The following ARID2 variants were observed in gnomAD, a reference collection of about 807,000 sequenced individuals.
The protein encoded by ARID2 is AT-rich interactive domain-containing protein 2.
In ARID2, 32 loss-of-function variants were observed where a neutral mutation model predicts 184.6. The ratio of observed to expected loss-of-function variants is 0.17; its 90% CI spans 0.13 to 0.23. ARID2 has a LOEUF of 0.23. Ranked by LOEUF, ARID2 falls within the 10% of genes least tolerant of loss-of-function variation. The pLI is 1.00. For missense variants in ARID2, 1,696 were observed against 2,197.6 expected (o/e 0.77, Z 4.56); for synonymous variants, 836 against 772.6 (o/e 1.08, Z -1.36).
intron 16 of ARID2, among the ~76,000 whole-genome samples, chr12:45,878,994 T>C (rs573565002): frequency 6.6e-6 from 1 of 152,324 alleles, no homozygotes; most frequent in Admixed American, 6.5e-5. Context: ...TTGTTGGATT[T>C]TTTTTAGAAA....
At chr12:45,844,701 A>T (rs1943411323) in intron 11 of ARID2, among the ~76,000 whole-genome samples, 1 of 152,338 alleles carries the variant, frequency 6.6e-6, no homozygotes, top group South Asian at 2.1e-4. Flanking sequence ...AGTGACTTGC[A>T]CATAATCTAA....
chr12:45,852,322 A>G lies in ARID2; in HGVS notation c.4199A>G (p.Asp1400Gly), dbSNP rs545415503. 1.2e-6 allele frequency: 2 copies of G among 1,614,194 alleles called. No individual in the cohort carries two copies. The highest frequency in any genetic ancestry group is 1.7e-6 in the Non-Finnish European group (2 of 1,180,016). The change falls in exon 15 of 21, where the codon GAT (aspartate) becomes GGT (glycine). Residue 1400 changes from aspartate to glycine, a missense_variant. Around this residue, in one of 11 missense-constraint regions of ARID2, gnomAD observed 428 missense variants for 409.1 expected, o/e 1.05. Transcript: ENST00000334344. ...CCAATGGAACCACAAGGGACTTTAG[A>G]TATCACTCAGCAAGATACTGCCAAA... ...ISPMEPQGTL[D>G]ITQQDTAKGD...
chr12:45,812,375 C>CT (rs1441930877), intron 4 of ARID2, among the ~76,000 whole-genome samples: 1 of 151,828 alleles, frequency 6.6e-6, no homozygotes, highest in Non-Finnish European at 1.5e-5. Context: ...GTATCATCAA[C>CT]TTTTTTTTCG....
intron 3 of ARID2, among the ~76,000 whole-genome samples, chr12:45,737,937 T>C (rs1367257498): frequency 6.6e-6 from 1 of 152,188 alleles, no homozygotes; most frequent in Non-Finnish European, 1.5e-5. Context: ...GGCTCCACTT[T>C]AGTTAAGGGA....
intron 16 of ARID2, chr12:45,881,748 A>T: frequency 5.4e-6 from 1 of 185,016 alleles, no homozygotes; most frequent in Non-Finnish European, 1.2e-5. Flanking sequence ...TCACTGAGCA[A>T]ATGTAGGCAA....
chr12:45,845,460 A>T (rs1387783485), intron 11 of ARID2, among the ~76,000 whole-genome samples: 1 of 152,156 alleles, frequency 6.6e-6, no homozygotes, highest in Non-Finnish European at 1.5e-5. Flanking sequence ...CTTTTAAAAG[A>T]AGTCCTTCCA....
chr12:45,820,239 C>T (rs774764611), intron 5 of ARID2, among the ~76,000 whole-genome samples: 11 of 152,232 alleles, frequency 7.2e-5, no homozygotes, highest in African/African-American at 1.9e-4. Context: ...TATTTCCTCA[C>T]GACCCTAAGG....
chr12:45,860,911 T>C lies in ARID2; in HGVS notation c.4884T>C (p.Pro1628=). The C allele has an allele frequency of 6.3e-7, 1 of 1,599,450 alleles. No homozygotes were observed. Residue 1628 remains proline (P), a synonymous_variant, in exon 16 of 21, where the codon CCT becomes CCC. Coordinates refer to ENST00000334344, the MANE Select transcript of ARID2 (RefSeq NM_152641.4). ...AGCCTGGAGATCCAATGAGAAAACCTGGACAGAACTTCATGTGTCTGTGGC... is the reference window on the plus strand; with the variant it reads ...AGCCTGGAGATCCAATGAGAAAACCCGGACAGAACTTCATGTGTCTGTGGC... ...SSQPGDPMRK[P]GQNFMCLWQS...
rs753467872 is a variant in ARID2, at chr12:45,834,225, T to A, written c.706-2364T>A. On this transcript the variant is annotated intron_variant, in intron 6 of 20. Transcript: ENST00000334344. ...TACTCCATATGGCCTAAATAAATAG[T>A]CACTTGAAAGTATTTTTCTAAATTT... 2.0e-5 allele frequency among the ~76,000 whole-genome samples: 3 copies of A among 152,302 alleles called. No homozygotes were observed. The South Asian group carries it at 6.2e-4, about 32-fold the overall frequency.
chr12:45,845,599 T>C (rs1943426136), intron 11 of ARID2, among the ~76,000 whole-genome samples: 1 of 152,158 alleles, frequency 6.6e-6, no homozygotes, highest in African/African-American at 2.4e-5. Context: ...AATGTAAATA[T>C]AAATGGATTT....
chr12:45,858,152 T>G (rs979576107), intron 15 of ARID2, among the ~76,000 whole-genome samples: 15 of 152,168 alleles, frequency 9.9e-5, no homozygotes, highest in Admixed American at 7.9e-4. Flanking sequence ...CACCTCTTCT[T>G]TAGAATACTC....
intron 2 of ARID2, among the ~76,000 whole-genome samples, chr12:45,730,825 C>G (rs1017830056): frequency 5.9e-5 from 9 of 151,618 alleles, no homozygotes; most frequent in Non-Finnish European, 1.3e-4. Flanking sequence ...CCGGCCCCCC[C>G]CCCAACCCGC....
intron 3 of ARID2, among the ~76,000 whole-genome samples, chr12:45,805,338 C>G (rs1217646094): frequency 6.6e-6 from 1 of 152,006 alleles, no homozygotes; most frequent in Non-Finnish European, 1.5e-5. Context: ...ACCTTTTGTT[C>G]AGTCTTCCTA....
In ARID2 at chr12:45,899,621, GTATATATTTGGTTATATATA is replaced by G. The variant is rs1174018389; in HGVS notation, c.5364-5285_5364-5266del. On this transcript the variant is annotated intron_variant, in intron 20 of 20. Transcript: ENST00000334344. ...ATTCCATCTCAAAATATATATATAT[GTATATATTTGGTTATATATA>G]TATATATTTGGTTATATATATATAT... Among the ~76,000 whole-genome samples the G allele has an allele frequency of 1.8e-4, 22 of 124,996 alleles. 1 individual carries two copies. The highest frequency in any genetic ancestry group is 6.8e-4 in the East Asian group (3 of 4,442). The allele number at this position is 124,996 out of a possible 152,430, so 82.0% of individuals were successfully genotyped here. A position where few individuals can be genotyped will look rare whatever the true frequency, so the allele number is the denominator to read the frequency against.
At chr12:45,731,405 C>A in intron 3 of ARID2, 91 bp downstream of exon 3, 1 of 830,502 alleles carries the variant, frequency 1.2e-6, no homozygotes, top group Non-Finnish European at 2.0e-6. Flanking sequence ...ACCTTGCACA[C>A]CAAACAGTTC....
intron 15 of ARID2, among the ~76,000 whole-genome samples, chr12:45,853,267 G>A (rs952970915): frequency 1.3e-5 from 2 of 152,090 alleles, no homozygotes; most frequent in Admixed American, 6.6e-5. Context: ...GGGGATTTCT[G>A]TATTTGATTT....
At chr12:45,739,232 G>A (rs1186676758) in intron 3 of ARID2, among the ~76,000 whole-genome samples, 1 of 151,818 alleles carries the variant, frequency 6.6e-6, no homozygotes, top group Non-Finnish European at 1.5e-5. Flanking sequence ...ACCTGCTTTG[G>A]CCTCCCAAAG....
chr12:45,784,684 A>C (rs1437471884), intron 3 of ARID2, among the ~76,000 whole-genome samples: 1 of 152,110 alleles, frequency 6.6e-6, no homozygotes, highest in East Asian at 1.9e-4. Context: ...AAAATTGTGG[A>C]ATATTTAGGT....
At position 45,811,185 on chromosome 12, in the gene ARID2, G is replaced by A. The variant is rs539733592; in HGVS notation, c.285-233G>A. Among the ~76,000 whole-genome samples, 1,262 of 151,560 alleles carry A rather than the reference G, an allele frequency of 8.3e-3. 8 individuals carry two copies. The highest frequency in any genetic ancestry group is 0.017 in the Middle Eastern group (5 of 294). On this transcript the variant is annotated intron_variant, in intron 3 of 20. Coordinates refer to ENST00000334344, the MANE Select transcript of ARID2 (RefSeq NM_152641.4). The stretch of plus-strand genomic sequence containing the variant: ...GATCGCACCACTGCACTCCAGCCTG[G>A]GCGACAGAGCGAGACTCTGTCTCAA...
Sources: allele counts gnomAD v4.1 joint callset (sites outside exome capture counted in the v4.1 genomes callset), GRCh38; gene constraint gnomAD v4.1.1; regional missense constraint gnomAD v4.1.1; transcripts MANE v1.5; gene names NCBI Gene and HGNC (gene_info 2026-07-23, HGNC 2026-07-21).